The following CDKAL1 variants were observed in gnomAD, a reference collection of about 807,000 sequenced individuals.
CDKAL1 encodes the protein threonylcarbamoyladenosine tRNA methylthiotransferase.
Under a neutral mutation model 68.2 loss-of-function variants are expected in CDKAL1, and 32 were observed. The observed-to-expected ratio is 0.47, with a 90% CI of 0.35 to 0.63. CDKAL1 has a LOEUF of 0.63. CDKAL1 is among the 30% of genes least tolerant of loss of function. The probability of loss-of-function intolerance (pLI) is 0.00; values close to 1 mark genes in which losing one functional copy is unlikely to be tolerated. For missense variants in CDKAL1, 606 were observed against 696.7 expected (o/e 0.87, Z 1.47); for synonymous variants, 234 against 244.3 (o/e 0.96, Z 0.39).
chr6:20,957,360 T>A (rs2150730615), intron 10 of CDKAL1, among the ~76,000 whole-genome samples: 1 of 152,334 alleles, frequency 6.6e-6, no homozygotes, highest in Middle Eastern at 3.4e-3. Flanking sequence ...CAGCTAATAC[T>A]GTGTGTATAG....
chr6:20,788,353 G>A (rs1187612554), intron 8 of CDKAL1, among the ~76,000 whole-genome samples: 3 of 152,154 alleles, frequency 2.0e-5, no homozygotes, highest in Non-Finnish European at 4.4e-5. Context: ...TAAAATCTAG[G>A]TATTATAACT....
intron 8 of CDKAL1, among the ~76,000 whole-genome samples, chr6:20,814,466 G>T (rs1776957534): frequency 6.6e-6 from 1 of 152,186 alleles, no homozygotes; most frequent in South Asian, 2.1e-4. Flanking sequence ...TTTTAGTAGA[G>T]ATGGAGTTTC....
intron 8 of CDKAL1, among the ~76,000 whole-genome samples, chr6:20,825,733 G>C (rs1777475376): frequency 6.6e-6 from 1 of 152,052 alleles, no homozygotes; most frequent in Non-Finnish European, 1.5e-5. Context: ...AACAATATGA[G>C]TGTAATTAAT....
chr6:20,904,650 G>T (rs1719268364), intron 9 of CDKAL1, among the ~76,000 whole-genome samples: 1 of 152,122 alleles, frequency 6.6e-6, no homozygotes, highest in South Asian at 2.1e-4. Context: ...TTAGACAGGT[G>T]TGGTGGCACA....
chr6:21,002,716 G>A (rs1036031218), intron 11 of CDKAL1, among the ~76,000 whole-genome samples: 4 of 151,830 alleles, frequency 2.6e-5, no homozygotes, highest in African/African-American at 7.3e-5. Context: ...GGCCCAGTGC[G>A]GTGGCTCACA....
chr6:21,002,035 T>C (rs1371546812), intron 11 of CDKAL1, among the ~76,000 whole-genome samples: 1 of 152,196 alleles, frequency 6.6e-6, no homozygotes, highest in Non-Finnish European at 1.5e-5. Flanking sequence ...GACTCAGTTG[T>C]TGGAGGAATT....
intron 10 of CDKAL1, among the ~76,000 whole-genome samples, chr6:20,988,180 A>ATTGTGTG (rs1491171083): frequency 3.2e-4 from 11 of 34,298 alleles, no homozygotes; most frequent in Non-Finnish European, 6.6e-4. Context: ...AAGAAACATA[A>ATTGTGTG]TATGTGTGTG....
chr6:21,099,440 T>C (rs1773473927), intron 12 of CDKAL1, among the ~76,000 whole-genome samples: 1 of 152,158 alleles, frequency 6.6e-6, no homozygotes, highest in African/African-American at 2.4e-5. Context: ...TTTTTCTTTT[T>C]CCAGCCATTT....
intron 8 of CDKAL1, among the ~76,000 whole-genome samples, chr6:20,832,096 C>A (rs1373950362): frequency 2.0e-5 from 3 of 152,142 alleles, no homozygotes; most frequent in Non-Finnish European, 2.9e-5. Flanking sequence ...TGCTTTAAGA[C>A]CCATTTTGAA....
chr6:20,685,744 A>T (rs150974151), intron 5 of CDKAL1, among the ~76,000 whole-genome samples: 124 of 152,254 alleles, frequency 8.1e-4, no homozygotes, highest in Middle Eastern at 3.4e-3. Context: ...ACACCATCAC[A>T]GTCTGCTAGT....
chr6:20,817,962 A>G (rs1474846162), intron 8 of CDKAL1, among the ~76,000 whole-genome samples: 2 of 152,148 alleles, frequency 1.3e-5, no homozygotes, highest in Non-Finnish European at 2.9e-5. Flanking sequence ...TTCCTGAAGA[A>G]GGGGCCACTA....
At chr6:21,112,893 C>T (rs965673878) in intron 13 of CDKAL1, among the ~76,000 whole-genome samples, 1 of 152,166 alleles carries the variant, frequency 6.6e-6, no homozygotes, top group African/African-American at 2.4e-5. Context: ...ATTACTTCTT[C>T]GGTCCCTCAT....
intron 12 of CDKAL1, among the ~76,000 whole-genome samples, chr6:21,068,318 G>A (rs375327991): frequency 6.6e-6 from 1 of 151,930 alleles, no homozygotes; most frequent in Non-Finnish European, 1.5e-5. Flanking sequence ...TCAATGTACT[G>A]TTCTAGAAAT....
intron 9 of CDKAL1, among the ~76,000 whole-genome samples, chr6:20,913,136 C>CACACACACACAT (rs1762546594): frequency 6.7e-6 from 1 of 149,536 alleles, no homozygotes; most frequent in African/African-American, 2.5e-5. Flanking sequence ...CACACACACA[C>CACACACACACAT]ACACACACAC....
At chr6:20,658,957 G>A (rs563613188) in intron 5 of CDKAL1, among the ~76,000 whole-genome samples, 1 of 152,104 alleles carries the variant, frequency 6.6e-6, no homozygotes, top group Admixed American at 6.5e-5. Context: ...TGGGACTACA[G>A]GCATACACCA....
At chr6:21,120,170 T>C (rs1414417326) in intron 13 of CDKAL1, among the ~76,000 whole-genome samples, 1 of 152,232 alleles carries the variant, frequency 6.6e-6, no homozygotes, top group Non-Finnish European at 1.5e-5. Flanking sequence ...GCAGGCAGAA[T>C]AACTAGAGTA....
At chr6:20,583,792 C>CCA (rs1554156934) in intron 4 of CDKAL1, among the ~76,000 whole-genome samples, 2 of 150,530 alleles carry the variant, frequency 1.3e-5, no homozygotes, top group Non-Finnish European at 3.0e-5. Context: ...GCGCCCCCCC[C>CCA]CACTAGTTTC....
chr6:20,954,232 A>G (rs1415700429), intron 9 of CDKAL1, among the ~76,000 whole-genome samples: 1 of 152,112 alleles, frequency 6.6e-6, no homozygotes, highest in Non-Finnish European at 1.5e-5. Context: ...GAAGATCTTT[A>G]TTTTATGCTT....
intron 7 of CDKAL1, among the ~76,000 whole-genome samples, chr6:20,765,990 TAGTA>T (rs1774686776): frequency 6.6e-6 from 1 of 152,198 alleles, no homozygotes; most frequent in African/African-American, 2.4e-5. Flanking sequence ...TAAATGAAGA[TAGTA>T]AGTAACTTTA....
Sources: gnomAD v4.1 joint callset for allele counts (sites outside exome capture counted in the v4.1 genomes callset) on GRCh38, gnomAD v4.1.1 for gene constraint, MANE v1.5 for transcripts, NCBI Gene and HGNC (gene_info 2026-07-23, HGNC 2026-07-21) for gene names.